Variants in CELF2 observed in about 807,000 individuals in gnomAD.
CELF2 encodes CUG triplet repeat RNA-binding protein 2.
Under a neutral mutation model 62.6 loss-of-function variants are expected in CELF2, and 8 were observed. The ratio of observed to expected loss-of-function variants is 0.13; its 90% CI spans 0.07 to 0.23. The LOEUF (loss-of-function observed/expected upper bound fraction) is 0.23, where lower values mean the gene tolerates loss of function less well. CELF2 is among the 10% of genes least tolerant of loss of function. The pLI is 1.00. For missense variants in CELF2, 333 were observed against 671.0 expected (o/e 0.50, Z 5.56); for synonymous variants, 258 against 250.0 (o/e 1.03, Z -0.30).
At chr10:10,958,638 G>A (rs1021280037) in intron 2 of CELF2, among the ~76,000 whole-genome samples, 10 of 151,900 alleles carry the variant, frequency 6.6e-5, no homozygotes, top group Non-Finnish European at 1.0e-4. Flanking sequence ...GAGCCCAGGC[G>A]TTCAAGACCA....
At chr10:10,504,385 G>A in the CELF2 span, among the ~76,000 whole-genome samples, 2 of 151,996 alleles carry the variant, frequency 1.3e-5, no homozygotes, top group Middle Eastern at 3.2e-3. Context: ...AAAATATTTT[G>A]TCACTTCCTT....
chr10:10,488,223 A>G, the CELF2 span, among the ~76,000 whole-genome samples: 2 of 152,270 alleles, frequency 1.3e-5, no homozygotes, highest in African/African-American at 2.4e-5. Flanking sequence ...AGTAATCCCA[A>G]TCCTTATTTG....
At chr10:10,964,429 G>T (rs1036512191) in intron 2 of CELF2, among the ~76,000 whole-genome samples, 5 of 152,068 alleles carry the variant, frequency 3.3e-5, no homozygotes, top group Non-Finnish European at 5.9e-5. Context: ...CCTTCAAAAA[G>T]GTAATTTGCT....
intron 2 of CELF2, among the ~76,000 whole-genome samples, chr10:10,977,104 C>T (rs1048607781): frequency 5.5e-5 from 7 of 127,202 alleles, no homozygotes; most frequent in African/African-American, 3.3e-4. Context: ...TTCCCACGGG[C>T]AAACACCTGC....
rs146679234 is a variant in CELF2, at chr10:10,945,265, C to T, written c.89+25266C>T. Among the ~76,000 whole-genome samples the T allele has an allele frequency of 2.3e-3, 349 of 152,270 alleles. 1 individual carries two copies. The highest frequency in any genetic ancestry group is 8.0e-3 in the African/African-American group (334 of 41,564). ...GGCAGCTGACAGCATTTCCCTCCTTCGGCTTCATGCAGTAGCCTTGGGCCT... is the reference window on the plus strand; with the variant it reads ...GGCAGCTGACAGCATTTCCCTCCTTTGGCTTCATGCAGTAGCCTTGGGCCT... On this transcript the variant is annotated intron_variant, in intron 2 of 13. Transcript: ENST00000636488.
intron 2 of CELF2, among the ~76,000 whole-genome samples, chr10:11,183,751 T>C (rs1156883753): frequency 6.6e-6 from 1 of 152,248 alleles, no homozygotes; most frequent in Admixed American, 6.5e-5. Context: ...TCAATTCAGA[T>C]CTTTTGCTCA....
the CELF2 span, among the ~76,000 whole-genome samples, chr10:10,771,426 T>C: frequency 6.6e-6 from 1 of 152,184 alleles, no homozygotes; most frequent in Non-Finnish European, 1.5e-5. Context: ...AAGTGCCTGG[T>C]TGAGTCCCTG....
intron 1 of CELF2, among the ~76,000 whole-genome samples, chr10:11,096,834 C>G (rs2050021130): frequency 6.6e-6 from 1 of 152,208 alleles, no homozygotes; most frequent in South Asian, 2.1e-4. Flanking sequence ...TTTCAAATCA[C>G]TGTAGCCCGA....
rs2062190137 is a variant in CELF2 at position 11,145,952 on chromosome 10, T to A, written c.75-19534T>A. Among the ~76,000 whole-genome samples, 2 of 152,226 alleles carry A rather than the reference T, an allele frequency of 1.3e-5. No homozygotes were observed. Among genetic ancestry groups the A allele is most frequent in the Non-Finnish European group, 2.9e-5 (2 of 68,044 alleles). ...ACTACTACTTAAAATCCAAGAACAT[T>A]GTGAGAATACCTACCTGTACTCTCC... is the stretch of plus-strand genomic sequence containing the variant. On this transcript the variant is annotated intron_variant, in intron 1 of 12. Coordinates refer to ENST00000633077, the MANE Select transcript of CELF2 (RefSeq NM_001326342.2). The surrounding 1 kb of genome is among the most constrained non-coding windows in gnomAD (Gnocchi z 4.3).
At chr10:11,139,914 G>A (rs1274197121) in intron 1 of CELF2, among the ~76,000 whole-genome samples, 2 of 150,674 alleles carry the variant, frequency 1.3e-5, no homozygotes, top group African/African-American at 4.9e-5. Flanking sequence ...CTCTCTCATC[G>A]GCTCATTTCT....
intron 8 of CELF2, among the ~76,000 whole-genome samples, chr10:11,283,586 G>A (rs946909699): frequency 1.1e-4 from 17 of 150,306 alleles, no homozygotes; most frequent in African/African-American, 3.4e-4. Flanking sequence ...TAGATGGATG[G>A]GTGACTAGAT....
In CELF2 at chr10:10,947,661, G is replaced by A. The variant is rs1278698453; in HGVS notation, c.89+27662G>A. 6.6e-6 allele frequency: 1 copy of A among 152,458 alleles called. No individual in the cohort carries two copies. Among genetic ancestry groups the A allele is most frequent in the Non-Finnish European group, 1.5e-5 (1 of 68,038 alleles). The allele number at this position is 152,458 out of a possible 1,614,324, so 9.4% of individuals were successfully genotyped here. On this transcript the variant is annotated intron_variant, in intron 2 of 13. Transcript: ENST00000636488. This position sits in a 1 kb window ranked among gnomAD's most constrained non-coding sequence, Gnocchi z 4.1. ...GTTTACAGAATAAAGAAATGTATGA[G>A]GGGATGAGTGCCTACTGTGTAATCC...
intron 1 of CELF2, among the ~76,000 whole-genome samples, chr10:10,881,455 G>T (rs2061432290): frequency 6.6e-6 from 1 of 152,134 alleles, no homozygotes; most frequent in African/African-American, 2.4e-5. Flanking sequence ...CCAGCTGTTA[G>T]TAAAATATGA....
At chr10:10,688,188 T>C in the CELF2 span, among the ~76,000 whole-genome samples, 6 of 152,342 alleles carry the variant, frequency 3.9e-5, no homozygotes, top group South Asian at 8.3e-4. Context: ...ATGGACTAAG[T>C]TCTGTCTTGT....
chr10:10,615,146 A>G, the CELF2 span, among the ~76,000 whole-genome samples: 1 of 152,158 alleles, frequency 6.6e-6, no homozygotes, highest in Non-Finnish European at 1.5e-5. Flanking sequence ...TCTAATTTAT[A>G]AAGCCATGAA....
At chr10:11,054,104 C>T (rs1276599447) in intron 1 of CELF2, among the ~76,000 whole-genome samples, 1 of 152,146 alleles carries the variant, frequency 6.6e-6, no homozygotes, top group Non-Finnish European at 1.5e-5. Context: ...CAACTTACAG[C>T]CTCAAGCTGT....
chr10:10,637,555 G>A, the CELF2 span, among the ~76,000 whole-genome samples: 29 of 152,256 alleles, frequency 1.9e-4, no homozygotes, highest in East Asian at 1.2e-3. Flanking sequence ...TCAAAAATTA[G>A]AGAATACAAT....
chr10:10,469,166 G>A, the CELF2 span, among the ~76,000 whole-genome samples: 1 of 151,834 alleles, frequency 6.6e-6, no homozygotes, highest in Non-Finnish European at 1.5e-5. Flanking sequence ...TTTGTTTACT[G>A]ACCTCTTATA....
the CELF2 span, among the ~76,000 whole-genome samples, chr10:10,699,701 G>C: frequency 2.0e-5 from 3 of 152,196 alleles, no homozygotes; most frequent in Non-Finnish European, 4.4e-5. Flanking sequence ...GACTGGAAAA[G>C]TGAGAGAGGC....
Sources: allele counts gnomAD v4.1 joint callset (sites outside exome capture counted in the v4.1 genomes callset), GRCh38; gene constraint gnomAD v4.1.1; non-coding constraint Gnocchi (gnomAD v3.1); transcripts MANE v1.5; gene names NCBI Gene and HGNC (gene_info 2026-07-23, HGNC 2026-07-21).